Variants in ASTN1 observed in about 807,000 individuals in gnomAD.
ASTN1 encodes astrotactin 1, also known as astrotactin-1.
In ASTN1, 41 loss-of-function variants were observed where a neutral mutation model predicts 140.7. That is an observed-to-expected ratio of 0.29 (90% CI 0.23 to 0.38). ASTN1 has a LOEUF of 0.38. ASTN1 is among the 10% of genes least tolerant of loss of function. The probability of loss-of-function intolerance (pLI) is 1.00; values close to 1 mark genes in which losing one functional copy is unlikely to be tolerated. For synonymous variants in ASTN1, 640 were observed against 652.2 expected, an observed-to-expected ratio of 0.98 and a Z score of 0.29; for missense variants, 1,479 against 1,678.8, an observed-to-expected ratio of 0.88 and a Z score of 2.08.
chr1:176,869,489 A>C (rs1668254396), intron 21 of ASTN1, among the ~76,000 whole-genome samples: 1 of 152,168 alleles, frequency 6.6e-6, no homozygotes, highest in South Asian at 2.1e-4. Context: ...TTTTTTGGAA[A>C]GTGCAATCCC....
chr1:176,859,596 C>T (rs773080486), downstream of ASTN1, among the ~76,000 whole-genome samples: 7 of 152,144 alleles, frequency 4.6e-5, no homozygotes, highest in Non-Finnish European at 8.8e-5. Flanking sequence ...ACCAGCCTAA[C>T]AGGGCGGAAC....
intron 8 of ASTN1, among the ~76,000 whole-genome samples, chr1:177,006,573 C>T (rs1675006373): frequency 6.6e-6 from 1 of 152,160 alleles, no homozygotes. Flanking sequence ...ATCTGGAAAG[C>T]ATAGGCAAGA....
chr1:176,897,492 T>TC (rs1214807229), intron 16 of ASTN1, among the ~76,000 whole-genome samples: 9 of 152,196 alleles, frequency 5.9e-5, no homozygotes, highest in Non-Finnish European at 1.2e-4. Flanking sequence ...GAGAATTTGT[T>TC]CGAGTCTGGG....
intron 1 of ASTN1, among the ~76,000 whole-genome samples, chr1:177,066,632 G>A (rs899128845): frequency 2.0e-5 from 3 of 152,132 alleles, no homozygotes; most frequent in African/African-American, 7.2e-5. Flanking sequence ...GAACTGAGCT[G>A]CTAAGAAAAC....
At chr1:176,880,736 G>T (rs1296506241) in intron 20 of ASTN1, among the ~76,000 whole-genome samples, 1 of 152,196 alleles carries the variant, frequency 6.6e-6, no homozygotes. Context: ...GAGGTAATGA[G>T]GTCATGCTCT....
chr1:176,977,406 G>A (rs1673412032), intron 8 of ASTN1, among the ~76,000 whole-genome samples: 1 of 152,194 alleles, frequency 6.6e-6, no homozygotes, highest in Admixed American at 6.5e-5. Context: ...TTTCTGCTAT[G>A]AAGAATGTCA....
chr1:176,971,458 A>G (rs990145455), intron 8 of ASTN1, among the ~76,000 whole-genome samples: 7 of 152,324 alleles, frequency 4.6e-5, no homozygotes, highest in African/African-American at 1.7e-4. Flanking sequence ...AAAGGATGCT[A>G]TAGGGCCTTG....
At chr1:176,965,061 T>C in intron 9 of ASTN1, 102 bp downstream of exon 9, 1 of 1,090,972 alleles carries the variant, frequency 9.2e-7, no homozygotes, top group Admixed American at 1.8e-5. Flanking sequence ...CAACTCAAGG[T>C]GTTTCCTATT....
In ASTN1 at chr1:177,024,741, G is replaced by T. The variant is rs1676017768; in HGVS notation, c.1121-9C>A. Reference sequence around the variant, plus strand: ...ACTTCGGGGAGAACCCACTGAAAGTGAGACAAAAGCAAGATACATGGTGGT... The same window carrying T: ...ACTTCGGGGAGAACCCACTGAAAGTTAGACAAAAGCAAGATACATGGTGGT... On this transcript the variant is annotated splice_polypyrimidine_tract_variant and intron_variant, in intron 5 of 22. Coordinates refer to ENST00000361833, the MANE Select transcript of ASTN1 (RefSeq NM_004319.3). The T allele has an allele frequency of 6.2e-7, 1 of 1,611,866 alleles. No individual in the cohort carries two copies. Among genetic ancestry groups the T allele is most frequent in the Admixed American group, 1.7e-5 (1 of 59,930 alleles).
chr1:177,027,697 T>G (rs1360606656), intron 5 of ASTN1, among the ~76,000 whole-genome samples: 1 of 149,384 alleles, frequency 6.7e-6, no homozygotes, highest in Non-Finnish European at 1.5e-5. Flanking sequence ...TTCTCCTCTT[T>G]TGAGAAACCC....
At chr1:177,094,301 G>A (rs550154844) in intron 1 of ASTN1, among the ~76,000 whole-genome samples, 1 of 152,278 alleles carries the variant, frequency 6.6e-6, no homozygotes, top group South Asian at 2.1e-4. Flanking sequence ...CTTCATCACT[G>A]TGCCATCCTG....
chr1:177,138,840 T>C lies in ASTN1; in HGVS notation c.283+25554A>G, dbSNP rs1472985486. Among the ~76,000 whole-genome samples, 3 of 152,232 alleles carry C rather than the reference T, an allele frequency of 2.0e-5. No individual in the cohort carries two copies. In the East Asian group the frequency reaches 5.8e-4, roughly 29 times the overall value. On this transcript the variant is annotated intron_variant, in intron 1 of 22. Coordinates refer to ENST00000361833, the MANE Select transcript of ASTN1 (RefSeq NM_004319.3). ...AAACTGTGCCAGCTTCCCTAAAATA[T>C]GATTTCCTGCTTTCTTGTGAGAAAA...
chr1:176,875,310 C>A (rs187495624), intron 21 of ASTN1, among the ~76,000 whole-genome samples: 2 of 152,152 alleles, frequency 1.3e-5, no homozygotes, highest in East Asian at 3.9e-4. Flanking sequence ...AGGGAGGGGG[C>A]CGAAGTGCTG....
Position 176,943,881 on chromosome 1 carries a change from G to A in ASTN1, c.2377+10C>T, listed in dbSNP as rs1177221186. 1 of 1,590,812 alleles carries A rather than the reference G, an allele frequency of 6.3e-7. No homozygotes were observed. Among genetic ancestry groups the A allele is most frequent in the Admixed American group, 1.8e-5 (1 of 56,236 alleles). ...GTGCCAGTTGAATAAGGTTGAGAAG[G>A]CACACTCACCAGTCAGGAAGTCAGG... On this transcript the variant is annotated intron_variant, in intron 14 of 22. Transcript: ENST00000361833.
At chr1:176,942,810 TTGTGTGTG>T (rs201860134) in intron 14 of ASTN1, among the ~76,000 whole-genome samples, 1 of 70,272 alleles carries the variant, frequency 1.4e-5, no homozygotes, top group Non-Finnish European at 2.7e-5. Flanking sequence ...CCAATGTACT[TTGTGTGTG>T]TGTATATATA....
At chr1:177,018,408 G>C (rs1278990563) in intron 7 of ASTN1, among the ~76,000 whole-genome samples, 1 of 152,180 alleles carries the variant, frequency 6.6e-6, no homozygotes, top group African/African-American at 2.4e-5. Flanking sequence ...AGAGACAGCG[G>C]TTCAGAGCAA....
chr1:176,978,473 T>C lies in ASTN1; in HGVS notation c.1524-13236A>G, dbSNP rs552989682. On this transcript the variant is annotated intron_variant, in intron 8 of 22. Transcript: ENST00000361833. ...ACGTGGATTTGGAAGAGAAGGGCAA[T>C]TCTTAGGCAGAATTTCTTGGAAGAT... 2.0e-5 allele frequency among the ~76,000 whole-genome samples: 3 copies of C among 152,250 alleles called. No homozygotes were observed. In the South Asian group the frequency reaches 6.2e-4, roughly 32 times the overall value.
At chr1:177,008,415 A>AG (rs938694403) in intron 8 of ASTN1, among the ~76,000 whole-genome samples, 12 of 143,622 alleles carry the variant, frequency 8.4e-5, no homozygotes, top group African/African-American at 1.0e-4. Flanking sequence ...GAGGAGAGGA[A>AG]GGGGGGGTGG....
At chr1:177,025,571 G>A (rs1276695615) in intron 5 of ASTN1, among the ~76,000 whole-genome samples, 2 of 152,062 alleles carry the variant, frequency 1.3e-5, no homozygotes, top group African/African-American at 4.8e-5. Flanking sequence ...AAGAAAGCAA[G>A]ACGACAGAAT....
Sources: allele counts gnomAD v4.1 joint callset (sites outside exome capture counted in the v4.1 genomes callset), GRCh38; gene constraint gnomAD v4.1.1; transcripts MANE v1.5; gene names NCBI Gene and HGNC (gene_info 2026-07-23, HGNC 2026-07-21).